Variants in KLF12 observed in about 807,000 individuals in gnomAD.
The protein encoded by KLF12 is Krueppel-like factor 12.
Under a neutral mutation model 37.8 loss-of-function variants are expected in KLF12, and 9 were observed. The ratio of observed to expected loss-of-function variants is 0.24; its 90% confidence interval spans 0.14 to 0.42. The LOEUF (loss-of-function observed/expected upper bound fraction) is 0.42, where lower values mean the gene tolerates loss of function less well. KLF12 is among the 10% of genes least tolerant of loss of function. KLF12 has a pLI of 1.00. For synonymous variants in KLF12, 208 were observed against 202.1 expected, an observed-to-expected ratio of 1.03 and a Z score of -0.25; for missense variants, 411 against 516.0, an observed-to-expected ratio of 0.80 and a Z score of 1.97.
At chr13:74,185,476 C>T in the KLF12 span, among the ~76,000 whole-genome samples, 2 of 152,090 alleles carry the variant, frequency 1.3e-5, no homozygotes, top group Non-Finnish European at 2.9e-5. Flanking sequence ...ACTTCATTGA[C>T]AGGTTATTAT....
At chr13:73,994,415 A>C (rs1408957371) in intron 2 of KLF12, among the ~76,000 whole-genome samples, 1 of 151,878 alleles carries the variant, frequency 6.6e-6, no homozygotes, top group Non-Finnish European at 1.5e-5. Context: ...AATCTCAACT[A>C]CCACAAATAA....
At chr13:73,765,304 C>A (rs1176397018) in intron 5 of KLF12, among the ~76,000 whole-genome samples, 1 of 152,074 alleles carries the variant, frequency 6.6e-6, no homozygotes, top group African/African-American at 2.4e-5. Context: ...TAACCCTTGC[C>A]AGGTACAAGG....
chr13:73,989,385 T>C (rs73526966), intron 2 of KLF12, among the ~76,000 whole-genome samples: 5,287 of 152,294 alleles, frequency 0.035, 318 homozygotes, highest in African/African-American at 0.12. Context: ...TTGATTACGA[T>C]AGACATCAGA....
chr13:74,158,218 G>A, the KLF12 span, among the ~76,000 whole-genome samples: 12 of 152,186 alleles, frequency 7.9e-5, no homozygotes, highest in Non-Finnish European at 1.5e-4. Flanking sequence ...TGAAGGCTGC[G>A]TGGGCTGGAC....
At chr13:73,797,507 C>T (rs1235084048) in intron 5 of KLF12, among the ~76,000 whole-genome samples, 3 of 152,128 alleles carry the variant, frequency 2.0e-5, no homozygotes, top group African/African-American at 4.8e-5. Context: ...CAGTGGCTCA[C>T]GCCTATAATC....
intron 6 of KLF12, among the ~76,000 whole-genome samples, chr13:73,748,020 T>C (rs17292092): frequency 0.39 from 59,938 of 152,032 alleles, 14,113 homozygotes; most frequent in African/African-American, 0.66. Flanking sequence ...CCATTTCTGG[T>C]GAAAACTGAC....
At chr13:73,715,684 C>T (rs1323745813) in intron 6 of KLF12, among the ~76,000 whole-genome samples, 159 bp from the exon 7 acceptor site, 4 of 152,090 alleles carry the variant, frequency 2.6e-5, no homozygotes, top group African/African-American at 7.2e-5. Context: ...TCTCACTTTT[C>T]GAAACCTGAA....
chr13:73,687,884 C>T lies in KLF12; in HGVS notation c.*7606G>A, dbSNP rs533335409. 5 of 152,292 alleles carry T rather than the reference C, an allele frequency of 3.3e-5. No individual in the cohort carries two copies. Among genetic ancestry groups the T allele is most frequent in the East Asian group, 3.9e-4 (2 of 5,186 alleles). 9.4% of individuals were successfully genotyped at this position (152,292 alleles called of 1,614,324 possible). Reference sequence around the variant, plus strand: ...AATCCAGAAAGAAAAAGTACTGAGGCGACTGTTTCCACTATTGATCTCTTT... The same window carrying T: ...AATCCAGAAAGAAAAAGTACTGAGGTGACTGTTTCCACTATTGATCTCTTT... On this transcript the variant is annotated 3_prime_UTR_variant, in exon 8 of 8. Transcript: ENST00000377669.
At chr13:73,953,243 G>A (rs1188984181) in intron 2 of KLF12, among the ~76,000 whole-genome samples, 2 of 151,672 alleles carry the variant, frequency 1.3e-5, no homozygotes, top group Non-Finnish European at 2.9e-5. Context: ...CTTAAGCTGC[G>A]CAGGTTCAAA....
intron 6 of KLF12, among the ~76,000 whole-genome samples, chr13:73,716,361 T>C (rs1261181938): frequency 2.0e-5 from 3 of 152,198 alleles, no homozygotes; most frequent in Non-Finnish European, 4.4e-5. Flanking sequence ...TTCTTTAAAA[T>C]TACAGTGAGA....
At position 73,916,247 on chromosome 13, in the gene KLF12, G is replaced by GCA. The variant is rs34551604; in HGVS notation, c.123+27732_123+27733dup. ...CACACACACACACACACACGCACAC[G>GCA]CACACACACACACACACACAGCTTT... On this transcript the variant is annotated intron_variant, in intron 3 of 7. Transcript: ENST00000377669. Among the ~76,000 whole-genome samples the GCA allele has an allele frequency of 8.2e-4, 120 of 146,628 alleles. 1 individual carries two copies. The highest frequency in any genetic ancestry group is 3.5e-3 in the South Asian group (16 of 4,584).
At chr13:74,090,984 C>T (rs1472536049) in intron 1 of KLF12, among the ~76,000 whole-genome samples, 1 of 147,298 alleles carries the variant, frequency 6.8e-6, no homozygotes, top group South Asian at 2.2e-4. Context: ...TCGAAACTTA[C>T]TACAAAGCAT....
At chr13:74,253,085 T>C in the KLF12 span, among the ~76,000 whole-genome samples, 1 of 152,188 alleles carries the variant, frequency 6.6e-6, no homozygotes, top group African/African-American at 2.4e-5. Context: ...TTGGAATCCA[T>C]CTATTAACTG....
At chr13:74,197,181 A>G in the KLF12 span, among the ~76,000 whole-genome samples, 1 of 152,226 alleles carries the variant, frequency 6.6e-6, no homozygotes, top group Non-Finnish European at 1.5e-5. Context: ...AGAATTATTC[A>G]TATGGTTATA....
Position 73,790,541 on chromosome 13 carries a change from A to G in KLF12, c.806+22611T>C, listed in dbSNP as rs368796000. On this transcript the variant is annotated intron_variant, in intron 5 of 7. Coordinates refer to ENST00000377669, the MANE Select transcript of KLF12 (RefSeq NM_007249.5). ...ATGATTTTACAGCAATGAAAACCCAATACTTTCCAGGGTGATATTCAAAAT... is the reference window on the plus strand; with the variant it reads ...ATGATTTTACAGCAATGAAAACCCAGTACTTTCCAGGGTGATATTCAAAAT... 4.6e-5 allele frequency among the ~76,000 whole-genome samples: 7 copies of G among 152,198 alleles called. No homozygotes were observed. In the East Asian group the frequency reaches 7.7e-4, roughly 17 times the overall value.
intron 3 of KLF12, among the ~76,000 whole-genome samples, chr13:73,897,411 G>C (rs1887835181): frequency 6.6e-6 from 1 of 151,856 alleles, no homozygotes; most frequent in South Asian, 2.1e-4. Context: ...ACGACCCTTG[G>C]GCCCTTTGGA....
rs1332853918 is a variant in KLF12 at position 74,119,331 on chromosome 13, GC to G, written c.-32+14407del. Reference sequence around the variant, plus strand: ...TGGGTGACACAGCGAGACTCTTATCGCAAAAAAAAAAAAAGACAAGACAGAA... The same window carrying G: ...TGGGTGACACAGCGAGACTCTTATCGAAAAAAAAAAAAAGACAAGACAGAA... On this transcript the variant is annotated intron_variant, in intron 1 of 7. Transcript: ENST00000377669. 5.0e-3 allele frequency among the ~76,000 whole-genome samples: 473 copies of G among 94,488 alleles called. 3 individuals are homozygous for G. The highest frequency in any genetic ancestry group is 9.4e-3 in the Admixed American group (79 of 8,418). The allele number at this position is 94,488 out of a possible 152,430, so 62.0% of individuals were successfully genotyped here.
chr13:74,150,216 T>A, the KLF12 span, among the ~76,000 whole-genome samples: 1 of 152,226 alleles, frequency 6.6e-6, no homozygotes. Flanking sequence ...ACTGAATTAT[T>A]GCTGAATGAA....
chr13:74,266,092 A>G, the KLF12 span, among the ~76,000 whole-genome samples: 19 of 152,326 alleles, frequency 1.2e-4, 1 homozygote, highest in South Asian at 3.7e-3. Flanking sequence ...TCATATCAAC[A>G]GAGCTCCTGG....
Sources: gnomAD v4.1 joint callset for allele counts (sites outside exome capture counted in the v4.1 genomes callset) on GRCh38, gnomAD v4.1.1 for gene constraint, MANE v1.5 for transcripts, NCBI Gene and HGNC (gene_info 2026-07-23, HGNC 2026-07-21) for gene names.